The following URGCP variants were observed in gnomAD, a reference collection of about 807,000 sequenced individuals.
URGCP encodes the protein up-regulator of cell proliferation.
Under a neutral mutation model 24.6 loss-of-function variants are expected in URGCP, and 13 were observed. That is an observed-to-expected ratio of 0.53 (90% CI 0.34 to 0.84). The LOEUF (loss-of-function observed/expected upper bound fraction) is 0.84, where lower values mean the gene tolerates loss of function less well. Among genes scored for constraint, URGCP ranks in the 40% least tolerant of loss-of-function variants. The probability of loss-of-function intolerance (pLI) is 0.01; values close to 1 mark genes in which losing one functional copy is unlikely to be tolerated. For missense variants in URGCP, 899 were observed against 1,194.3 expected (o/e 0.75, Z 3.64); for synonymous variants, 444 against 487.2 (o/e 0.91, Z 1.17).
In URGCP at chr7:43,897,427, G is replaced by A. The variant is rs889826148; in HGVS notation, c.14+9135C>T. On this transcript the variant is annotated intron_variant, in intron 1 of 5. Coordinates refer to ENST00000453200, the MANE Select transcript of URGCP (RefSeq NM_001077663.3). ...GGGGAAGACTGCCGCAGGCATAGCCGGGGCAAAGGCCCTAACGTACCCAGG... is the reference window on the plus strand; with the variant it reads ...GGGGAAGACTGCCGCAGGCATAGCCAGGGCAAAGGCCCTAACGTACCCAGG... 9.9e-5 allele frequency among the ~76,000 whole-genome samples: 15 copies of A among 152,110 alleles called. No individual in the cohort carries two copies. The South Asian group carries it at 1.7e-3, about 17-fold the overall frequency.
At position 43,906,478 on chromosome 7, in the gene URGCP, G is replaced by A. The variant is rs1562587082; in HGVS notation, c.14+84C>T. Reference sequence around the variant, plus strand: ...GGTCCGGGCCGCATCCCAGACCAGAGCCCGCAGGCCAGAGCCGCTCCGGGT... The same window carrying A: ...GGTCCGGGCCGCATCCCAGACCAGAACCCGCAGGCCAGAGCCGCTCCGGGT... On this transcript the variant is annotated intron_variant, in intron 1 of 5. Transcript: ENST00000453200. The A allele has an allele frequency of 3.6e-6, 4 of 1,108,832 alleles. No individual in the cohort carries two copies. The South Asian group carries it at 1.2e-4, about 34-fold the overall frequency. The allele number at this position is 1,108,832 out of a possible 1,614,324, so 68.7% of individuals were successfully genotyped here.
chr7:43,919,342 AC>A, intron 1 of URGCP: 1 of 842,898 alleles, frequency 1.2e-6, no homozygotes, highest in Non-Finnish European at 2.1e-6. Context: ...ATTGCCACAG[AC>A]CAGATCCTGC....
rs1056371250 is a variant in URGCP at position 43,878,139 on chromosome 7, G to A, written c.1324C>T (p.Pro442Ser). ...TCCTCCACAGATACCCGCCTGCAGG[G>A]TGCCCGCAGCACATTCCCAACGATG... ...RAIVGNVLRA[P>S]CRRVSVEDMA... The change falls in exon 6 of 6, where the codon CCC (proline) becomes TCC (serine). Residue 442 changes from proline (P) to serine (S), a missense_variant. Transcript: ENST00000453200. This position sits in a 1 kb window ranked among gnomAD's most constrained non-coding sequence, Gnocchi z 5.6. 1 of 1,614,130 alleles carries A rather than the reference G, an allele frequency of 6.2e-7. No individual in the cohort carries two copies. Among genetic ancestry groups the A allele is most frequent in the South Asian group, 1.1e-5 (1 of 91,090 alleles).
intron 1 of URGCP, among the ~76,000 whole-genome samples, chr7:43,891,676 C>G (rs981050645): frequency 3.9e-5 from 6 of 152,336 alleles, no homozygotes; most frequent in African/African-American, 1.4e-4. Context: ...TCCCTTCTTT[C>G]TGACTTGCCC....
chr7:43,882,595 A>G (rs1163602051), intron 3 of URGCP, among the ~76,000 whole-genome samples: 1 of 151,248 alleles, frequency 6.6e-6, no homozygotes, highest in Non-Finnish European at 1.5e-5. Context: ...GCATCAGAGC[A>G]AGACCCTGTC....
intron 1 of URGCP, among the ~76,000 whole-genome samples, chr7:43,913,088 T>C (rs2095911838): frequency 6.6e-6 from 1 of 152,198 alleles, no homozygotes; most frequent in Non-Finnish European, 1.5e-5. Context: ...TGACCTCAAG[T>C]GATCCACCCA....
Position 43,876,910 on chromosome 7 carries a change from C to G in URGCP, c.2553G>C (p.Gln851His). The G allele has an allele frequency of 6.2e-7, 1 of 1,614,028 alleles. No homozygotes were observed. Among genetic ancestry groups the G allele is most frequent in the Non-Finnish European group, 8.5e-7 (1 of 1,180,000 alleles). The change falls in exon 6 of 6, where the codon CAG becomes CAC. Residue 851 changes from glutamine (Q) to histidine (H), a missense_variant. By Grantham distance (24) the Gln-to-His change is conservative. Transcript: ENST00000453200. ...GGAAGCCGTCGCCCTGTTTCTCCAT[C>G]TGGGCTGCAGCCCTGCTCAGGTCAC... ...PPGDLSRAAA[Q>H]MEKQGDGFRA...
chr7:43,893,153 T>C (rs1346355447), intron 1 of URGCP, among the ~76,000 whole-genome samples: 2 of 151,734 alleles, frequency 1.3e-5, no homozygotes, highest in African/African-American at 4.8e-5. Context: ...CATAGCAAGA[T>C]GTCATCTCTC....
intron 5 of URGCP, among the ~76,000 whole-genome samples, 185 bp downstream of exon 5, chr7:43,881,474 G>GTTTT (rs751531869): frequency 3.1e-5 from 4 of 127,302 alleles, no homozygotes; most frequent in Non-Finnish European, 5.0e-5. Flanking sequence ...GCTTCCCAGG[G>GTTTT]TTTTTTTTTT....
intron 1 of URGCP, chr7:43,888,581 G>C (rs1405050340): frequency 6.6e-6 from 1 of 152,132 alleles, no homozygotes; most frequent in Non-Finnish European, 1.5e-5. Flanking sequence ...ATTCTGCCAG[G>C]AGCCAGGGTG....
chr7:43,894,534 T>A (rs1329449706), intron 1 of URGCP, among the ~76,000 whole-genome samples: 1 of 151,894 alleles, frequency 6.6e-6, no homozygotes, highest in Non-Finnish European at 1.5e-5. Flanking sequence ...TATTATTTTT[T>A]ATTTTTTTTA....
chr7:43,921,826 T>C (rs1179528218), intron 1 of URGCP, among the ~76,000 whole-genome samples: 1 of 152,294 alleles, frequency 6.6e-6, no homozygotes, highest in South Asian at 2.1e-4. Flanking sequence ...GTGTGAACAC[T>C]AAATTCAAAA....
At chr7:43,890,142 T>C (rs1426099374) in intron 1 of URGCP, among the ~76,000 whole-genome samples, 3 of 151,684 alleles carry the variant, frequency 2.0e-5, no homozygotes, top group South Asian at 2.1e-4. Flanking sequence ...TGACCTCAAG[T>C]GATCCACCCA....
upstream of URGCP, among the ~76,000 whole-genome samples, chr7:43,910,246 C>T (rs141756426): frequency 1.9e-3 from 284 of 152,282 alleles, 3 homozygotes; most frequent in African/African-American, 6.4e-3. Context: ...GACACGGTCT[C>T]ACTCTGTTGC....
At chr7:43,921,905 T>C (rs2132733605) in intron 1 of URGCP, among the ~76,000 whole-genome samples, 1 of 152,308 alleles carries the variant, frequency 6.6e-6, no homozygotes, top group African/African-American at 2.4e-5. Flanking sequence ...TTTCTTTTTT[T>C]TTTTGAGATG....
At position 43,876,542 on chromosome 7, in the gene URGCP, C is replaced by A. The variant is rs1184531041; in HGVS notation, c.*125G>T. 1.9e-6 allele frequency: 2 copies of A among 1,078,042 alleles called. No homozygotes were observed. The highest frequency in any genetic ancestry group is 4.7e-5 in the East Asian group (2 of 42,292). The allele number at this position is 1,078,042 out of a possible 1,614,324, so 66.8% of individuals were successfully genotyped here. On this transcript the variant is annotated 3_prime_UTR_variant, in exon 6 of 6. Coordinates refer to ENST00000453200, the MANE Select transcript of URGCP (RefSeq NM_001077663.3). ...GAGACTCCAAACCCTGTCTTTTCCT[C>A]GTCTTCTCATGTCGATTGGGCACCA...
intron 1 of URGCP, among the ~76,000 whole-genome samples, chr7:43,905,429 G>A (rs760713064): frequency 1.2e-4 from 19 of 152,074 alleles, no homozygotes; most frequent in Non-Finnish European, 2.6e-4. Context: ...GCCTGGTCCC[G>A]GAAATGACCA....
At chr7:43,890,292 G>A (rs1353739496) in intron 1 of URGCP, among the ~76,000 whole-genome samples, 2 of 145,178 alleles carry the variant, frequency 1.4e-5, no homozygotes, top group African/African-American at 2.6e-5. Context: ...TCGACTCACT[G>A]CAAGCTCTGC....
At chr7:43,887,901 A>C (rs1361695878) in intron 1 of URGCP, 85 bp from the exon 2 acceptor site, 4 of 836,538 alleles carry the variant, frequency 4.8e-6, no homozygotes, top group Non-Finnish European at 7.5e-6. Flanking sequence ...TTTTAAAATC[A>C]AAGTGCAATA....
Sources: allele counts gnomAD v4.1 joint callset (sites outside exome capture counted in the v4.1 genomes callset), GRCh38; gene constraint gnomAD v4.1.1; non-coding constraint Gnocchi (gnomAD v3.1); transcripts MANE v1.5; gene names NCBI Gene and HGNC (gene_info 2026-07-23, HGNC 2026-07-21).